ADAMTS10: variants seen among roughly 807,000 people sequenced by gnomAD.
The protein encoded by ADAMTS10 is A disintegrin and metalloproteinase with thrombospondin motifs 10.
In ADAMTS10, 48 loss-of-function variants were observed where a neutral mutation model predicts 135.9. That is an observed-to-expected ratio of 0.35 (90% CI 0.28 to 0.45). The LOEUF is 0.45. Among genes scored for constraint, ADAMTS10 ranks in the 20% least tolerant of loss-of-function variants. ADAMTS10 has a pLI of 1.00. For missense variants in ADAMTS10, 1,131 were observed against 1,565.2 expected, an observed-to-expected ratio of 0.72 and a Z score of 4.68; for synonymous variants, 621 against 647.5, an observed-to-expected ratio of 0.96 and a Z score of 0.62.
At chr19:8,592,456 A>G (rs1300181774) in intron 13 of ADAMTS10, among the ~76,000 whole-genome samples, 1 of 151,188 alleles carries the variant, frequency 6.6e-6, no homozygotes, top group African/African-American at 2.4e-5. Flanking sequence ...GGCGTGGCCA[A>G]TGAGGGAGAG....
At chr19:8,589,859 G>A (rs782528397) in intron 16 of ADAMTS10, 30 bp downstream of exon 16, 94 of 1,598,710 alleles carry the variant, frequency 5.9e-5, no homozygotes, top group Non-Finnish European at 7.8e-5. Flanking sequence ...GCCCTTCACG[G>A]CCCCACAGCC....
At chr19:8,603,214 A>G (rs2042684783) in intron 5 of ADAMTS10, among the ~76,000 whole-genome samples, 1 of 152,186 alleles carries the variant, frequency 6.6e-6, no homozygotes, top group East Asian at 1.9e-4. Flanking sequence ...GGATAAGATT[A>G]TTCCATAGCT....
intron 6 of ADAMTS10, among the ~76,000 whole-genome samples, chr19:8,600,679 T>C (rs1339927212): frequency 6.6e-6 from 1 of 151,954 alleles, no homozygotes; most frequent in African/African-American, 2.4e-5. Context: ...TTTGTATTTT[T>C]AGTAGAGATG....
chr19:8,600,680 A>G (rs1276567664), intron 6 of ADAMTS10, among the ~76,000 whole-genome samples: 4 of 151,616 alleles, frequency 2.6e-5, no homozygotes, highest in African/African-American at 4.8e-5. Flanking sequence ...TTGTATTTTT[A>G]GTAGAGATGG....
At chr19:8,607,818 C>CTTT (rs1442162842) in intron 2 of ADAMTS10, among the ~76,000 whole-genome samples, 18 of 144,048 alleles carry the variant, frequency 1.2e-4, no homozygotes, top group South Asian at 2.2e-4. Context: ...CTCTCTCTCT[C>CTTT]TCTTTTTTTT....
intron 2 of ADAMTS10, among the ~76,000 whole-genome samples, chr19:8,607,486 C>T (rs888203878): frequency 6.6e-6 from 1 of 152,186 alleles, no homozygotes; most frequent in South Asian, 2.1e-4. Context: ...GGGCCACCAC[C>T]CTGTGCCAAA....
At position 8,589,382 on chromosome 19, in the gene ADAMTS10, T is replaced by C. The variant is rs782767358; in HGVS notation, c.2035-17A>G. ...GCCCACGTGCTGCGTGGAGAAGGCG[T>C]GAGTGAGGCGACCCCCTAACCCACC... On this transcript the variant is annotated splice_polypyrimidine_tract_variant and intron_variant, in intron 17 of 25. Transcript: ENST00000597188. The C allele has an allele frequency of 3.1e-6, 5 of 1,611,740 alleles. No homozygotes were observed. The African/African-American group carries it at 6.7e-5, about 22-fold the overall frequency.
chr19:8,596,383 G>A lies in ADAMTS10; in HGVS notation c.1114C>T (p.Arg372Cys), dbSNP rs1412146494. The stretch of plus-strand genomic sequence containing the variant: ...TCATTGACGCTGCAGCTTCTCTCGC[G>A]CTCACACATTCCGCCCACCGGGGCC... ...GLAPVGGMCE[R>C]ERSCSVNEDI... Residue 372 changes from arginine (R) to cysteine (C), a missense_variant, in exon 10 of 26, where the codon CGC becomes TGC. Around this residue, in one of 3 missense-constraint regions of ADAMTS10, gnomAD observed 745 missense variants for 1,056.3 expected, o/e 0.71. Transcript: ENST00000597188. This position sits in a 1 kb window ranked among gnomAD's most constrained non-coding sequence, Gnocchi z 7.2. The A allele has an allele frequency of 3.7e-6, 6 of 1,612,974 alleles. No homozygotes were observed. Among genetic ancestry groups the A allele is most frequent in the East Asian group, 4.5e-5 (2 of 44,874 alleles).
In ADAMTS10 at chr19:8,605,541, C is replaced by A; in HGVS notation, c.88+82G>T. 1 of 1,539,382 alleles carries A rather than the reference C, an allele frequency of 6.5e-7. No homozygotes were observed. The highest frequency in any genetic ancestry group is 1.2e-5 in the South Asian group (1 of 84,734). On this transcript the variant is annotated intron_variant, in intron 3 of 25. Transcript: ENST00000597188. This position sits in a 1 kb window ranked among gnomAD's most constrained non-coding sequence, Gnocchi z 7.7. ...CCCCATTGACCCCCATCCCAGCCCC[C>A]TGATGCCTCTTTCTGTTGGAGCCCA...
Position 8,591,932 on chromosome 19 carries a change from C to T in ADAMTS10, c.1733+26G>A, listed in dbSNP as rs373688989. On this transcript the variant is annotated intron_variant, in intron 14 of 25. Transcript: ENST00000597188. ...ATGGGGGCAGGGGTCGCGCTGCCCTCCCGGGTGGGGGTCCTGAGGGCTGAC... is the reference window on the plus strand; with the variant it reads ...ATGGGGGCAGGGGTCGCGCTGCCCTTCCGGGTGGGGGTCCTGAGGGCTGAC... 1.9e-6 allele frequency: 3 copies of T among 1,611,638 alleles called. No homozygotes were observed. In the African/African-American group the frequency reaches 4.0e-5, roughly 22 times the overall value.
chr19:8,587,529 C>T (rs1353769639), intron 18 of ADAMTS10, among the ~76,000 whole-genome samples: 3 of 148,086 alleles, frequency 2.0e-5, no homozygotes, highest in South Asian at 2.2e-4. Context: ...TGCAGTGGTG[C>T]GATCATAGGT....
At chr19:8,607,415 C>A (rs1416843101) in intron 2 of ADAMTS10, among the ~76,000 whole-genome samples, 1 of 152,132 alleles carries the variant, frequency 6.6e-6, no homozygotes, top group African/African-American at 2.4e-5. Context: ...AGCCAGCCCG[C>A]CCCGCAGGTC....
chr19:8,589,733 G>A (rs890521841), intron 16 of ADAMTS10, 148 bp from the exon 17 acceptor site: 51 of 1,434,740 alleles, frequency 3.6e-5, no homozygotes, highest in African/African-American at 3.1e-4. Context: ...CCAGCGTCAC[G>A]TTGAACCCCC....
chr19:8,607,115 G>A (rs7249094), intron 2 of ADAMTS10, among the ~76,000 whole-genome samples: 68,979 of 151,678 alleles, frequency 0.45, 16,517 homozygotes, highest in East Asian at 0.9. Flanking sequence ...GGGGCTGGTC[G>A]GTGTGAATTT....
rs980812174 is a variant in ADAMTS10, at chr19:8,598,528, C to T, written c.811-1211G>A. Among the ~76,000 whole-genome samples the T allele has an allele frequency of 4.7e-5, 7 of 149,792 alleles. No individual in the cohort carries two copies. In the East Asian group the frequency reaches 1.4e-3, roughly 29 times the overall value. ...GCCAGGCTGTGCAGGGATCTTGGAA[C>T]CCTGGGTAATCATTTCCCCGTCTGG... is the stretch of plus-strand genomic sequence containing the variant. On this transcript the variant is annotated intron_variant, in intron 6 of 25. Coordinates refer to ENST00000597188, the MANE Select transcript of ADAMTS10 (RefSeq NM_030957.4).
chr19:8,584,501 AAAC>A (rs1464283769), intron 25 of ADAMTS10, among the ~76,000 whole-genome samples: 17 of 138,518 alleles, frequency 1.2e-4, no homozygotes, highest in Admixed American at 1.2e-3. Context: ...AAAAACAAAC[AAAC>A]AAAAAACCCT....
chr19:8,596,297 C>T lies in ADAMTS10; in HGVS notation c.1190+10G>A, dbSNP rs782150745. 1 of 1,612,918 alleles carries T rather than the reference C, an allele frequency of 6.2e-7. No homozygotes were observed. Among genetic ancestry groups the T allele is most frequent in the South Asian group, 1.1e-5 (1 of 91,068 alleles). On this transcript the variant is annotated intron_variant, in intron 10 of 25. Transcript: ENST00000597188. This position sits in a 1 kb window ranked among gnomAD's most constrained non-coding sequence, Gnocchi z 7.2. ...TCCCCTCCTCCCCCTCTTGTGTGCC[C>T]TGGCCTCACGTGTGCCCGATCTCGT...
chr19:8,597,928 C>T (rs1256887648), intron 6 of ADAMTS10, among the ~76,000 whole-genome samples: 2 of 152,016 alleles, frequency 1.3e-5, no homozygotes, highest in Admixed American at 6.6e-5. Context: ...CTCAGCCTCC[C>T]GAGTAGCTGG....
intron 12 of ADAMTS10, among the ~76,000 whole-genome samples, chr19:8,594,398 A>G (rs2042579771): frequency 6.6e-6 from 1 of 152,240 alleles, no homozygotes. Context: ...ACCAGGCACC[A>G]GGCTGAACCC....
Sources: gnomAD v4.1 joint callset for allele counts (sites outside exome capture counted in the v4.1 genomes callset) on GRCh38, gnomAD v4.1.1 for gene constraint, gnomAD v4.1.1 regional missense constraint, Gnocchi (gnomAD v3.1) non-coding constraint, MANE v1.5 for transcripts, NCBI Gene and HGNC (gene_info 2026-07-23, HGNC 2026-07-21) for gene names.